The following ZEB1 variants were observed in gnomAD, a reference collection of about 807,000 sequenced individuals.
ZEB1 encodes the protein zinc finger E-box-binding homeobox 1.
Under a neutral mutation model 84.9 loss-of-function variants are expected in ZEB1, and 21 were observed. That is an observed-to-expected ratio of 0.25 (90% CI 0.18 to 0.36). ZEB1 has a LOEUF of 0.36. Among genes scored for constraint, ZEB1 ranks in the 10% least tolerant of loss-of-function variants. The probability of loss-of-function intolerance (pLI) is 1.00; values close to 1 mark genes in which losing one functional copy is unlikely to be tolerated. For synonymous variants in ZEB1, 420 were observed against 471.1 expected (o/e 0.89, Z 1.41); for missense variants, 1,104 against 1,330.2 (o/e 0.83, Z 2.65).
intron 1 of ZEB1, among the ~76,000 whole-genome samples, chr10:31,442,271 A>C (rs192328664): frequency 0.015 from 2,348 of 152,284 alleles, 56 homozygotes; most frequent in African/African-American, 0.053. Context: ...ACATGGATGA[A>C]GCTGGAAACC....
intron 1 of ZEB1, among the ~76,000 whole-genome samples, chr10:31,415,263 C>G (rs373330668): frequency 2.6e-5 from 4 of 151,962 alleles, no homozygotes; most frequent in African/African-American, 9.7e-5. Flanking sequence ...AATATATAGC[C>G]CCTTTACTGT....
chr10:31,457,270 C>T (rs1167148847), intron 1 of ZEB1, among the ~76,000 whole-genome samples: 6 of 152,086 alleles, frequency 3.9e-5, no homozygotes, highest in Non-Finnish European at 8.8e-5. Context: ...TATCAAGGGC[C>T]TGCATTACTC....
chr10:31,352,361 A>C (rs1204819104), intron 1 of ZEB1, among the ~76,000 whole-genome samples: 1 of 152,218 alleles, frequency 6.6e-6, no homozygotes, highest in Non-Finnish European at 1.5e-5. Context: ...AAAAACAAAA[A>C]TTTGGCTTCT....
intron 1 of ZEB1, among the ~76,000 whole-genome samples, chr10:31,439,918 C>G (rs913628937): frequency 6.6e-6 from 1 of 152,048 alleles, no homozygotes; most frequent in African/African-American, 2.4e-5. Context: ...TGACAAGATT[C>G]CACTGATGCT....
At chr10:31,397,166 TTA>T (rs1046783192) in intron 1 of ZEB1, among the ~76,000 whole-genome samples, 4 of 89,626 alleles carry the variant, frequency 4.5e-5, no homozygotes, top group Non-Finnish European at 1.1e-4. Flanking sequence ...TTTTTTATTA[TTA>T]TTATTATTAT....
chr10:31,493,030 A>C (rs1032771619), intron 2 of ZEB1, among the ~76,000 whole-genome samples: 2 of 151,956 alleles, frequency 1.3e-5, no homozygotes, highest in Non-Finnish European at 2.9e-5. Flanking sequence ...TAATGTCACA[A>C]CAAGCATATT....
intron 1 of ZEB1, chr10:31,387,374 G>T (rs2048812918): frequency 1.1e-6 from 1 of 918,458 alleles, no homozygotes; most frequent in African/African-American, 1.8e-5. Flanking sequence ...TCGCACAGAA[G>T]GGAGGCCCTA....
At chr10:31,442,685 T>G (rs1323483939) in intron 1 of ZEB1, among the ~76,000 whole-genome samples, 1 of 151,774 alleles carries the variant, frequency 6.6e-6, no homozygotes, top group East Asian at 1.9e-4. Flanking sequence ...TGAAACAGAT[T>G]GAGGAAGTGG....
At chr10:31,331,407 T>G (rs2036764692) in intron 1 of ZEB1, among the ~76,000 whole-genome samples, 1 of 152,130 alleles carries the variant, frequency 6.6e-6, no homozygotes, top group African/African-American at 2.4e-5. Flanking sequence ...ATTCTAATAT[T>G]GAATCTGCCA....
chr10:31,490,318 G>C (rs1352747755), intron 2 of ZEB1, among the ~76,000 whole-genome samples: 2 of 151,438 alleles, frequency 1.3e-5, no homozygotes, highest in African/African-American at 4.8e-5. Flanking sequence ...CCAGTGACAT[G>C]AAAGTTAGAT....
intron 1 of ZEB1, among the ~76,000 whole-genome samples, chr10:31,452,389 C>T (rs573423709): frequency 6.6e-6 from 1 of 151,936 alleles, no homozygotes; most frequent in African/African-American, 2.4e-5. Flanking sequence ...GTCAGATTAA[C>T]AAAAATTTAC....
At chr10:31,407,311 C>G (rs1468983151) in intron 1 of ZEB1, among the ~76,000 whole-genome samples, 1 of 140,502 alleles carries the variant, frequency 7.1e-6, no homozygotes, top group African/African-American at 2.7e-5. Flanking sequence ...TGTTCTCATT[C>G]TTCAATTCCC....
In ZEB1 at chr10:31,411,658, C is replaced by A. The variant is rs1217600833; in HGVS notation, c.59-49379C>A. 6.9e-3 allele frequency among the ~76,000 whole-genome samples: 831 copies of A among 120,092 alleles called. 7 individuals carry two copies. The highest frequency in any genetic ancestry group is 0.026 in the African/African-American group (769 of 30,154). The allele number at this position is 120,092 out of a possible 152,430, so 78.8% of individuals were successfully genotyped here. On this transcript the variant is annotated intron_variant, in intron 1 of 8. Transcript: ENST00000424869. Reference sequence around the variant, plus strand: ...CGTCTCAAAAAAAAAAAAAAAAAAGCAGCATTAGGAGAGAAATTTATAGCA... The same window carrying A: ...CGTCTCAAAAAAAAAAAAAAAAAAGAAGCATTAGGAGAGAAATTTATAGCA...
intron 1 of ZEB1, among the ~76,000 whole-genome samples, chr10:31,440,928 C>T (rs2136516763): frequency 6.6e-6 from 1 of 152,260 alleles, no homozygotes; most frequent in Non-Finnish European, 1.5e-5. Flanking sequence ...AATGGAAGAA[C>T]ATTCCATGCT....
chr10:31,487,368 G>C (rs188998119), intron 2 of ZEB1, among the ~76,000 whole-genome samples: 4 of 151,192 alleles, frequency 2.6e-5, no homozygotes, highest in Non-Finnish European at 5.9e-5. Context: ...AAAGTGTTGA[G>C]GAGTCTTCCA....
chr10:31,431,434 T>C (rs2057695583), intron 1 of ZEB1, among the ~76,000 whole-genome samples: 1 of 152,182 alleles, frequency 6.6e-6, no homozygotes, highest in African/African-American at 2.4e-5. Context: ...AGGGCAGATA[T>C]ATCACTACAG....
intron 1 of ZEB1, among the ~76,000 whole-genome samples, chr10:31,328,889 C>T (rs1198601603): frequency 6.6e-6 from 1 of 152,068 alleles, no homozygotes; most frequent in African/African-American, 2.4e-5. Context: ...TGCACCTTCT[C>T]ATATATCCAT....
intron 1 of ZEB1, among the ~76,000 whole-genome samples, chr10:31,395,121 T>A (rs1220264589): frequency 6.6e-6 from 1 of 152,200 alleles, no homozygotes; most frequent in Non-Finnish European, 1.5e-5. Context: ...ATTGCATAGA[T>A]CTGCTTTATA....
intron 1 of ZEB1, among the ~76,000 whole-genome samples, chr10:31,452,841 C>T (rs1369877373): frequency 3.3e-5 from 5 of 150,848 alleles, no homozygotes; most frequent in African/African-American, 9.7e-5. Flanking sequence ...GTGTTTCCAC[C>T]GATCTTTGCA....
Sources: allele counts gnomAD v4.1 joint callset (sites outside exome capture counted in the v4.1 genomes callset), GRCh38; gene constraint gnomAD v4.1.1; transcripts MANE v1.5; gene names NCBI Gene and HGNC (gene_info 2026-07-23, HGNC 2026-07-21).